Variants in PGBD5 observed in about 807,000 individuals in gnomAD.
PGBD5 encodes the protein piggyBac transposable element-derived protein 5.
PGBD5 carries 14 observed loss-of-function variants against 47.9 expected under a neutral mutation model. The observed-to-expected ratio is 0.29, with a 90% CI of 0.19 to 0.46. PGBD5 has a LOEUF of 0.46. Among genes scored for constraint, PGBD5 ranks in the 20% least tolerant of loss-of-function variants. The probability of loss-of-function intolerance (pLI) is 1.00; values close to 1 mark genes in which losing one functional copy is unlikely to be tolerated. For synonymous variants in PGBD5, 316 were observed against 306.3 expected, an observed-to-expected ratio of 1.03 and a Z score of -0.33; for missense variants, 635 against 716.0, an observed-to-expected ratio of 0.89 and a Z score of 1.29.
At chr1:230,324,978 G>A (rs1385667590) in intron 6 of PGBD5, among the ~76,000 whole-genome samples, 1 of 152,202 alleles carries the variant, frequency 6.6e-6, no homozygotes, top group Non-Finnish European at 1.5e-5. Context: ...AGAGGACTGG[G>A]GCAAGCGATG....
chr1:230,402,673 T>C (rs559377820), intron 1 of PGBD5, among the ~76,000 whole-genome samples: 4 of 152,300 alleles, frequency 2.6e-5, no homozygotes, highest in African/African-American at 9.6e-5. Context: ...TCAAACTCCT[T>C]GGCTTGCCCT....
chr1:230,390,195 TG>T (rs1440568707), intron 1 of PGBD5, among the ~76,000 whole-genome samples: 3 of 152,170 alleles, frequency 2.0e-5, no homozygotes, highest in Non-Finnish European at 4.4e-5. Context: ...CCACCATAAG[TG>T]GGTGACCACT....
intron 2 of PGBD5, among the ~76,000 whole-genome samples, chr1:230,356,615 G>A (rs1297872420): frequency 6.6e-6 from 1 of 152,206 alleles, no homozygotes; most frequent in Non-Finnish European, 1.5e-5. Flanking sequence ...TATAATTAAA[G>A]ATAAGGAAGG....
chr1:230,361,365 G>A (rs1108706), intron 1 of PGBD5, among the ~76,000 whole-genome samples: 40,752 of 152,074 alleles, frequency 0.27, 6,621 homozygotes, highest in Non-Finnish European at 0.35. Flanking sequence ...GTGCTGCTTG[G>A]GTGTGCCTCG....
At chr1:230,364,332 C>G (rs1667793355) in intron 1 of PGBD5, among the ~76,000 whole-genome samples, 1 of 152,214 alleles carries the variant, frequency 6.6e-6, no homozygotes, top group Non-Finnish European at 1.5e-5. Flanking sequence ...CTGCATAGGT[C>G]TGACCTACAT....
intron 1 of PGBD5, among the ~76,000 whole-genome samples, chr1:230,367,599 G>A (rs1667856604): frequency 6.6e-6 from 1 of 152,208 alleles, no homozygotes; most frequent in Admixed American, 6.5e-5. Flanking sequence ...TCGAGAGGCT[G>A]AGGTGGGAGG....
chr1:230,363,321 C>G (rs1255325826), intron 1 of PGBD5, among the ~76,000 whole-genome samples: 1 of 152,212 alleles, frequency 6.6e-6, no homozygotes, highest in Non-Finnish European at 1.5e-5. Context: ...GTGGCTCATG[C>G]CTGTAATCCC....
intron 1 of PGBD5, among the ~76,000 whole-genome samples, chr1:230,368,581 G>C (rs1169274905): frequency 6.6e-6 from 1 of 152,260 alleles, no homozygotes; most frequent in African/African-American, 2.4e-5. Flanking sequence ...GCAGGGGGAT[G>C]ATGACTCTTC....
At chr1:230,416,629 C>T (rs1270146057) in intron 1 of PGBD5, among the ~76,000 whole-genome samples, 1 of 152,186 alleles carries the variant, frequency 6.6e-6, no homozygotes, top group Non-Finnish European at 1.5e-5. Context: ...TCAGGAAGAA[C>T]ATTCCGGGCA....
intron 2 of PGBD5, among the ~76,000 whole-genome samples, chr1:230,353,259 G>A (rs921317740): frequency 3.9e-5 from 6 of 152,156 alleles, no homozygotes; most frequent in Non-Finnish European, 2.9e-5. Context: ...GCCTCCTCCT[G>A]TGCTTGATGA....
In PGBD5 at chr1:230,344,750, G is replaced by C. The variant is rs939689162; in HGVS notation, c.894+6208C>G. 7.6e-4 allele frequency among the ~76,000 whole-genome samples: 115 copies of C among 152,288 alleles called. 1 individual carries two copies. The highest frequency in any genetic ancestry group is 1.8e-4 in the Non-Finnish European group (12 of 68,024). On this transcript the variant is annotated intron_variant, in intron 3 of 6. Transcript: ENST00000391860. The stretch of plus-strand genomic sequence containing the variant: ...CTTGGGGGTTACCATCTTGAATTCT[G>C]GCTTCTAATGCCCATCTACTTCCGG...
At chr1:230,329,192 G>A (rs1301925450) in intron 5 of PGBD5, among the ~76,000 whole-genome samples, 1 of 151,856 alleles carries the variant, frequency 6.6e-6, no homozygotes, top group African/African-American at 2.4e-5. Context: ...TCAAACTCCT[G>A]GACTCAAGTG....
intron 1 of PGBD5, among the ~76,000 whole-genome samples, chr1:230,404,609 C>T (rs1204250064): frequency 3.1e-5 from 2 of 65,442 alleles, no homozygotes; most frequent in Non-Finnish European, 5.8e-5. Context: ...AAAGTCTTGT[C>T]TCAAAAAAAA....
At position 230,367,334 on chromosome 1, in the gene PGBD5, C is replaced by T. The variant is rs537785409; in HGVS notation, c.332-10013G>A. On this transcript the variant is annotated intron_variant, in intron 1 of 6. Transcript: ENST00000391860. ...GTCCTCCTGCCCTCCAGGGACCACC[C>T]TAGTCCTTCCTCCATGAAAGGCAAT... 8.5e-5 allele frequency among the ~76,000 whole-genome samples: 13 copies of T among 152,314 alleles called. No individual in the cohort carries two copies. The South Asian group carries it at 2.7e-3, about 32-fold the overall frequency.
At chr1:230,386,060 C>T (rs765099687) in intron 1 of PGBD5, among the ~76,000 whole-genome samples, 3 of 152,190 alleles carry the variant, frequency 2.0e-5, no homozygotes, top group Non-Finnish European at 4.4e-5. Context: ...TGTACAATGG[C>T]TCATACCTAC....
At chr1:230,336,670 G>T (rs1320341947) in intron 4 of PGBD5, among the ~76,000 whole-genome samples, 1 of 152,148 alleles carries the variant, frequency 6.6e-6, no homozygotes, top group Non-Finnish European at 1.5e-5. Flanking sequence ...CTTTTCTGAG[G>T]CTCATTGTAC....
chr1:230,338,430 C>T (rs971975094), intron 3 of PGBD5, among the ~76,000 whole-genome samples: 2 of 152,220 alleles, frequency 1.3e-5, no homozygotes, highest in African/African-American at 4.8e-5. Context: ...TCCCTGCTGG[C>T]TGTCAGCCAG....
chr1:230,368,831 G>C (rs1214810713), intron 1 of PGBD5, among the ~76,000 whole-genome samples: 5 of 152,216 alleles, frequency 3.3e-5, no homozygotes, highest in Admixed American at 3.3e-4. Context: ...GCAGAGGTAG[G>C]GTGTGCGCTG....
chr1:230,399,223 A>T (rs192394243), intron 1 of PGBD5, among the ~76,000 whole-genome samples: 1 of 152,326 alleles, frequency 6.6e-6, no homozygotes, highest in African/African-American at 2.4e-5. Flanking sequence ...ATGACCGGCA[A>T]GCTTAAGCTG....
Sources: gnomAD v4.1 joint callset for allele counts (sites outside exome capture counted in the v4.1 genomes callset) on GRCh38, gnomAD v4.1.1 for gene constraint, MANE v1.5 for transcripts, NCBI Gene and HGNC (gene_info 2026-07-23, HGNC 2026-07-21) for gene names.